The following ERGIC1 variants were observed in gnomAD, a reference collection of about 807,000 sequenced individuals.
ERGIC1 encodes the protein endoplasmic reticulum-Golgi intermediate compartment protein 1.
A neutral mutation model predicts 38.3 loss-of-function variants in ERGIC1; 19 were observed. The observed-to-expected ratio is 0.50, with a 90% CI of 0.35 to 0.73. The LOEUF (loss-of-function observed/expected upper bound fraction) is 0.73. Among genes scored for constraint, ERGIC1 ranks in the 30% least tolerant of loss-of-function variants. ERGIC1 has a pLI of 0.01. For missense variants in ERGIC1, 294 were observed against 389.2 expected (o/e 0.76, Z 2.06); for synonymous variants, 124 against 157.6 (o/e 0.79, Z 1.60).
intron 5 of ERGIC1, 92 bp from the exon 6 acceptor site, chr5:172,923,913 A>G (rs774714072): frequency 2.2e-5 from 25 of 1,125,950 alleles, no homozygotes; most frequent in Non-Finnish European, 3.3e-5. Flanking sequence ...GCCTGATTCC[A>G]GTGTCCTCCC....
At chr5:172,910,749 T>C (rs10062343) in intron 4 of ERGIC1, among the ~76,000 whole-genome samples, 99,463 of 151,636 alleles carry the variant, frequency 0.66, 33,304 homozygotes, top group Non-Finnish European at 0.74. Flanking sequence ...GGTCTCGAAC[T>C]CCTGACCTCA....
intron 1 of ERGIC1, chr5:172,866,844 G>T (rs1761876139): frequency 3.3e-6 from 1 of 302,906 alleles, no homozygotes; most frequent in African/African-American, 2.2e-5. Context: ...CTCAGTGGAG[G>T]TTTTCTTGAC....
chr5:172,944,578 C>G (rs1336034418), intron 9 of ERGIC1, among the ~76,000 whole-genome samples: 1 of 152,188 alleles, frequency 6.6e-6, no homozygotes, highest in East Asian at 1.9e-4. Context: ...AGGCTGGTCT[C>G]GAACTCCCCA....
intron 9 of ERGIC1, among the ~76,000 whole-genome samples, chr5:172,945,860 T>C (rs1429942872): frequency 1.3e-5 from 2 of 152,116 alleles, no homozygotes; most frequent in African/African-American, 2.4e-5. Flanking sequence ...AATTTTCGTA[T>C]TTTCAGTAAA....
chr5:172,844,169 C>T (rs1015462164), intron 1 of ERGIC1, among the ~76,000 whole-genome samples: 1 of 152,180 alleles, frequency 6.6e-6, no homozygotes, highest in Non-Finnish European at 1.5e-5. Context: ...CAGCCATAGA[C>T]GTCAAACACC....
At position 172,894,483 on chromosome 5, in the gene ERGIC1, C is replaced by T. The variant is rs934033300; in HGVS notation, c.83-2519C>T. Among the ~76,000 whole-genome samples the T allele has an allele frequency of 7.2e-5, 11 of 152,118 alleles. No homozygotes were observed. In the East Asian group the frequency reaches 9.7e-4, roughly 13 times the overall value. ...TGCTGGGGTTACAGGCATGAGCCAC[C>T]GCGCCTGGCCAACTTTTTCAAAGTT... On this transcript the variant is annotated intron_variant, in intron 2 of 9. Transcript: ENST00000393784.
At chr5:172,925,009 G>A (rs538536131) in intron 6 of ERGIC1, among the ~76,000 whole-genome samples, 4 of 152,182 alleles carry the variant, frequency 2.6e-5, no homozygotes, top group East Asian at 3.9e-4. Context: ...AGGCTGAAGC[G>A]GGCGAACTGC....
intron 2 of ERGIC1, among the ~76,000 whole-genome samples, chr5:172,893,943 A>ATATATATATATG (rs1762648936): frequency 2.3e-5 from 1 of 43,818 alleles, no homozygotes; most frequent in African/African-American, 6.8e-5. Flanking sequence ...GTGTATATAT[A>ATATATATATATG]TATATATATA....
chr5:172,838,311 G>A (rs937922801), intron 1 of ERGIC1, among the ~76,000 whole-genome samples: 5 of 152,152 alleles, frequency 3.3e-5, no homozygotes, highest in African/African-American at 7.2e-5. Context: ...ATTTCAGGAC[G>A]GCAGCAGCAG....
chr5:172,857,280 G>A (rs1022560856), intron 1 of ERGIC1, among the ~76,000 whole-genome samples: 35 of 152,184 alleles, frequency 2.3e-4, no homozygotes, highest in African/African-American at 8.4e-4. Flanking sequence ...ATTGGACGTA[G>A]CTGAGGTAGG....
chr5:172,910,969 A>G (rs1763193243), intron 4 of ERGIC1, among the ~76,000 whole-genome samples: 1 of 152,126 alleles, frequency 6.6e-6, no homozygotes, highest in South Asian at 2.1e-4. Context: ...TGGGCTTAGT[A>G]ATGTCTGTTG....
intron 1 of ERGIC1, among the ~76,000 whole-genome samples, chr5:172,868,363 G>T (rs1426985351): frequency 6.6e-6 from 1 of 152,216 alleles, no homozygotes; most frequent in Non-Finnish European, 1.5e-5. Flanking sequence ...GTGGGATATT[G>T]TTCAGGATTG....
chr5:172,860,223 G>A lies in ERGIC1; in HGVS notation c.20+25790G>A, dbSNP rs552351823. ...GCTCAAGTGGGCTCATCAGTTCCCT[G>A]ACGGGGAACTAGCAGAGGAGGGCAG... On this transcript the variant is annotated intron_variant, in intron 1 of 9. Coordinates refer to ENST00000393784, the MANE Select transcript of ERGIC1 (RefSeq NM_001031711.3). 3.3e-5 allele frequency among the ~76,000 whole-genome samples: 5 copies of A among 152,358 alleles called. No individual in the cohort carries two copies. The East Asian group carries it at 9.6e-4, about 29-fold the overall frequency.
rs551235025 is a variant in ERGIC1, at chr5:172,873,701, T to C, written c.21-14998T>C. On this transcript the variant is annotated intron_variant, in intron 1 of 9. Coordinates refer to ENST00000393784, the MANE Select transcript of ERGIC1 (RefSeq NM_001031711.3). ...AGTCCTGACTCTGCTTCTTGTTAGCTGTGTGAGCTTAGGCAAGTGGCTTGG... is the reference window on the plus strand; with the variant it reads ...AGTCCTGACTCTGCTTCTTGTTAGCCGTGTGAGCTTAGGCAAGTGGCTTGG... 8.9e-4 allele frequency among the ~76,000 whole-genome samples: 135 copies of C among 152,344 alleles called. 1 individual carries two copies. The highest frequency in any genetic ancestry group is 3.2e-3 in the African/African-American group (131 of 41,580).
chr5:172,870,339 T>C (rs760313845), intron 1 of ERGIC1, among the ~76,000 whole-genome samples: 49 of 152,354 alleles, frequency 3.2e-4, no homozygotes, highest in Middle Eastern at 3.4e-3. Flanking sequence ...AGGCTTTCTA[T>C]GGACTCCACA....
chr5:172,950,759 A>G lies in ERGIC1; in HGVS notation c.816A>G (p.Ser272=), dbSNP rs1297521105. 6.2e-7 allele frequency: 1 copy of G among 1,613,178 alleles called. No individual in the cohort carries two copies. The highest frequency in any genetic ancestry group is 2.2e-5 in the East Asian group (1 of 44,828). The change falls in exon 10 of 10, where the codon TCA becomes TCG. Residue 272 remains serine, a synonymous_variant. Transcript: ENST00000393784. ...GTFTVAGILD[S]CIFTASEAWK... ...TCACCGTCGCCGGCATCCTGGACTC[A>G]TGCATCTTCACAGCCTCTGAGGCCT... is the stretch of plus-strand genomic sequence containing the variant.
At chr5:172,890,384 T>C (rs1472153132) in intron 2 of ERGIC1, among the ~76,000 whole-genome samples, 1 of 152,218 alleles carries the variant, frequency 6.6e-6, no homozygotes, top group African/African-American at 2.4e-5. Context: ...GATCAGTTCC[T>C]GGAACAGAAA....
chr5:172,858,508 C>T (rs181034996), intron 1 of ERGIC1, among the ~76,000 whole-genome samples: 1 of 152,338 alleles, frequency 6.6e-6, no homozygotes, highest in East Asian at 1.9e-4. Context: ...AGAGGAACAA[C>T]TCACAATTTG....
At chr5:172,853,608 C>G (rs926592543) in intron 1 of ERGIC1, among the ~76,000 whole-genome samples, 1 of 152,340 alleles carries the variant, frequency 6.6e-6, no homozygotes, top group South Asian at 2.1e-4. Context: ...CCCATCTCCC[C>G]CCGCCCCGGA....
Sources: allele counts gnomAD v4.1 joint callset (sites outside exome capture counted in the v4.1 genomes callset), GRCh38; gene constraint gnomAD v4.1.1; transcripts MANE v1.5; gene names NCBI Gene and HGNC (gene_info 2026-07-23, HGNC 2026-07-21).